Variants in DPP6 observed in about 807,000 individuals in gnomAD.
DPP6 encodes the protein dipeptidyl peptidase like 6, also known as A-type potassium channel modulatory protein DPP6.
In DPP6, 69 loss-of-function variants were observed where a neutral mutation model predicts 122.6. The observed-to-expected ratio is 0.56, with a 90% CI of 0.46 to 0.69. The LOEUF (loss-of-function observed/expected upper bound fraction) is 0.69. Ranked by LOEUF, DPP6 falls within the 30% of genes least tolerant of loss-of-function variation. The pLI is 0.00. For synonymous variants in DPP6, 418 were observed against 433.1 expected, an observed-to-expected ratio of 0.97 and a Z score of 0.43; for missense variants, 928 against 1,116.9, an observed-to-expected ratio of 0.83 and a Z score of 2.41.
chr7:153,973,703 C>A (rs1356128599), intron 1 of DPP6, among the ~76,000 whole-genome samples: 2 of 148,092 alleles, frequency 1.4e-5, no homozygotes, highest in Admixed American at 1.4e-4. Flanking sequence ...TCAGTCTCTT[C>A]TCGTATTGCT....
chr7:154,672,579 C>G (rs1838634246), intron 7 of DPP6, among the ~76,000 whole-genome samples: 1 of 152,176 alleles, frequency 6.6e-6, no homozygotes, highest in Admixed American at 6.5e-5. Flanking sequence ...ATTTGACTTC[C>G]TTTCTGCTTC....
At chr7:153,800,506 A>G in the DPP6 span, among the ~76,000 whole-genome samples, 1 of 152,192 alleles carries the variant, frequency 6.6e-6, no homozygotes, top group Non-Finnish European at 1.5e-5. Flanking sequence ...GTTCAACAGC[A>G]CAGTGACTAC....
intron 16 of DPP6, among the ~76,000 whole-genome samples, chr7:154,842,597 G>A (rs909836105): frequency 1.5e-4 from 23 of 150,918 alleles, no homozygotes; most frequent in African/African-American, 5.6e-4. Context: ...TTTTATTTTT[G>A]TCCCTCTGGT....
intron 7 of DPP6, among the ~76,000 whole-genome samples, chr7:154,674,789 A>G (rs555213101): frequency 3.3e-5 from 5 of 152,326 alleles, no homozygotes; most frequent in African/African-American, 1.2e-4. Context: ...CCCAAGAGAT[A>G]GCGTTCCCCA....
intron 1 of DPP6, chr7:154,092,639 A>C (rs540043186): frequency 6.6e-6 from 1 of 152,278 alleles, no homozygotes; most frequent in East Asian, 1.9e-4. Context: ...GAGGCACGTG[A>C]TATCAGTGTG....
At chr7:153,827,030 T>C in the DPP6 span, among the ~76,000 whole-genome samples, 15,178 of 151,906 alleles carry the variant, frequency 0.1, 1,023 homozygotes, top group East Asian at 0.21. Flanking sequence ...TTCTGGGAAA[T>C]TTATGACTAC....
At chr7:154,840,870 C>G (rs900732371) in intron 16 of DPP6, among the ~76,000 whole-genome samples, 1 of 152,186 alleles carries the variant, frequency 6.6e-6, no homozygotes, top group Non-Finnish European at 1.5e-5. Context: ...TGTTCACCTT[C>G]CCAGGGAATG....
chr7:153,773,264 C>CGTGT, the DPP6 span, among the ~76,000 whole-genome samples: 3,117 of 132,420 alleles, frequency 0.024, 125 homozygotes, highest in African/African-American at 0.079. Context: ...TCTTTTCTTT[C>CGTGT]GTGTGTGTGT....
In DPP6 at chr7:154,804,138, C is replaced by T. The variant is rs78983524; in HGVS notation, c.1499+183C>T. On this transcript the variant is annotated intron_variant, in intron 14 of 25. Coordinates refer to ENST00000377770, the MANE Select transcript of DPP6 (RefSeq NM_130797.4). ...GTAGATTCCCGTCCCAACAGTCCGA[C>T]TTCCAGAGCTGCGGCGTCCTGAGGA... Among the ~76,000 whole-genome samples, 623 of 152,360 alleles carry T rather than the reference C, an allele frequency of 4.1e-3. 4 individuals are homozygous for T. Among genetic ancestry groups the T allele is most frequent in the Middle Eastern group, 0.014 (4 of 294 alleles).
At chr7:154,726,372 C>T (rs181337368) in intron 7 of DPP6, among the ~76,000 whole-genome samples, 365 of 152,314 alleles carry the variant, frequency 2.4e-3, no homozygotes, top group Middle Eastern at 6.8e-3. Flanking sequence ...GTGGATACTC[C>T]CAAGCCTCAA....
At chr7:154,322,185 C>T (rs1349196381) in intron 1 of DPP6, among the ~76,000 whole-genome samples, 1 of 152,128 alleles carries the variant, frequency 6.6e-6, no homozygotes, top group Non-Finnish European at 1.5e-5. Flanking sequence ...TCTAGAGCAG[C>T]CACCTGGCCT....
At chr7:154,512,362 GCT>G (rs1826158234) in intron 3 of DPP6, among the ~76,000 whole-genome samples, 3 of 152,238 alleles carry the variant, frequency 2.0e-5, no homozygotes, top group Non-Finnish European at 4.4e-5. Context: ...TTTGAAGCAC[GCT>G]GTATTATTTT....
At chr7:154,280,226 G>C (rs1804414220) in intron 1 of DPP6, among the ~76,000 whole-genome samples, 1 of 152,142 alleles carries the variant, frequency 6.6e-6, no homozygotes, top group Admixed American at 6.5e-5. Flanking sequence ...CAGTGTTCTT[G>C]AGTATTGGAC....
intron 1 of DPP6, among the ~76,000 whole-genome samples, chr7:154,073,928 G>A (rs1209266283): frequency 4.6e-5 from 7 of 152,190 alleles, no homozygotes; most frequent in Admixed American, 4.6e-4. Flanking sequence ...GGAGGTTGCA[G>A]TGAGCTGAGA....
At chr7:154,437,991 T>C (rs576947090) in intron 1 of DPP6, among the ~76,000 whole-genome samples, 1 of 148,156 alleles carries the variant, frequency 6.7e-6, no homozygotes, top group African/African-American at 2.4e-5. Context: ...AAGAGTGTTG[T>C]TGGAATTTCC....
At chr7:154,640,468 G>A (rs1195002935) in intron 6 of DPP6, among the ~76,000 whole-genome samples, 1 of 75,398 alleles carries the variant, frequency 1.3e-5, no homozygotes, top group African/African-American at 5.6e-5. Flanking sequence ...TGAACACAGC[G>A]CCCCTGAAGC....
intron 10 of DPP6, 164 bp from the exon 11 acceptor site, chr7:154,793,915 A>G: frequency 8.6e-7 from 1 of 1,166,922 alleles, no homozygotes; most frequent in Non-Finnish European, 1.2e-6. Flanking sequence ...GCGCCAGTGC[A>G]GATTCTTTAT....
intron 1 of DPP6, among the ~76,000 whole-genome samples, chr7:154,183,030 A>G (rs1437912300): frequency 1.3e-5 from 2 of 152,056 alleles, no homozygotes; most frequent in Non-Finnish European, 2.9e-5. Context: ...GAGACTGTCT[A>G]AGGGGCTAAT....
At chr7:154,745,238 C>CA (rs1158876622) in intron 8 of DPP6, among the ~76,000 whole-genome samples, 1 of 152,180 alleles carries the variant, frequency 6.6e-6, no homozygotes. Flanking sequence ...TGGAGGTCTC[C>CA]ATAGTGGAGT....
Sources: gnomAD v4.1 joint callset for allele counts (sites outside exome capture counted in the v4.1 genomes callset) on GRCh38, gnomAD v4.1.1 for gene constraint, MANE v1.5 for transcripts, NCBI Gene and HGNC (gene_info 2026-07-23, HGNC 2026-07-21) for gene names.